PHACTR2: variants seen among roughly 807,000 people sequenced by gnomAD.
PHACTR2 encodes chromosome 6 open reading frame 56.
PHACTR2 carries 30 observed loss-of-function variants against 76.0 expected under a neutral mutation model. That is an observed-to-expected ratio of 0.39 (90% confidence interval 0.30 to 0.54). The LOEUF (loss-of-function observed/expected upper bound fraction) is 0.54. Among genes scored for constraint, PHACTR2 ranks in the 20% least tolerant of loss-of-function variants. The pLI, the probability that PHACTR2 is intolerant of heterozygous loss-of-function variation, is 0.61. For synonymous variants in PHACTR2, 292 were observed against 292.5 expected (o/e 1.00, Z 0.02); for missense variants, 696 against 781.1 (o/e 0.89, Z 1.30).
At position 143,668,471 on chromosome 6, in the gene PHACTR2, C is replaced by G. The variant is rs569306515; in HGVS notation, c.14-43545C>G. Among the ~76,000 whole-genome samples the G allele has an allele frequency of 3.9e-5, 6 of 152,254 alleles. No individual in the cohort carries two copies. The East Asian group carries it at 1.2e-3, about 29-fold the overall frequency. On this transcript the variant is annotated intron_variant, in intron 1 of 11. Transcript: ENST00000305766. ...ATGGTACCAGCTCCTCTCTGTACCT[C>G]TGGTAGAATTCGGCTCTGAATCTGT... is the stretch of plus-strand genomic sequence containing the variant.
rs961262581 is a variant in PHACTR2, at chr6:143,731,647, A to G, written c.215-17338A>G. On this transcript the variant is annotated intron_variant, in intron 2 of 12. Coordinates refer to ENST00000440869, the MANE Select transcript of PHACTR2 (RefSeq NM_001100164.2). This position sits in a 1 kb window ranked among gnomAD's most constrained non-coding sequence, Gnocchi z 4.9. Reference sequence around the variant, plus strand: ...ATGTTGCTGGATTTTATTGAATAATATTTTGTTGAGGATTCATGGTATTGA... The same window carrying G: ...ATGTTGCTGGATTTTATTGAATAATGTTTTGTTGAGGATTCATGGTATTGA... 8.5e-5 allele frequency among the ~76,000 whole-genome samples: 13 copies of G among 152,104 alleles called. No homozygotes were observed. The highest frequency in any genetic ancestry group is 2.9e-4 in the African/African-American group (12 of 41,426).
At chr6:143,660,088 A>G (rs913598412) in intron 1 of PHACTR2, among the ~76,000 whole-genome samples, 1 of 152,130 alleles carries the variant, frequency 6.6e-6, no homozygotes, top group Non-Finnish European at 1.5e-5. Flanking sequence ...TCTATTGACA[A>G]TACTGCTTAC....
rs1365008056 is a variant in PHACTR2, at chr6:143,774,845, T to C, written c.1589+630T>C. Among the ~76,000 whole-genome samples the C allele has an allele frequency of 1.3e-5, 2 of 152,242 alleles. No homozygotes were observed. The highest frequency in any genetic ancestry group is 2.9e-5 in the Non-Finnish European group (2 of 68,036). ...TCTCTTCCTGCCTCCAACCATTGTA[T>C]AGGATTTTTGCTTTTGCCACTGGTG... is the stretch of plus-strand genomic sequence containing the variant. On this transcript the variant is annotated intron_variant, in intron 8 of 12. Transcript: ENST00000440869. The surrounding 1 kb of genome is among the most constrained non-coding windows in gnomAD (Gnocchi z 5.4).
chr6:143,571,087 A>G lies in PHACTR2; in HGVS notation c.217+33880A>G, dbSNP rs904635129. On this transcript the variant is annotated intron_variant, in intron 1 of 11. Transcript: ENST00000367584. The surrounding 1 kb of genome is among the most constrained non-coding windows in gnomAD (Gnocchi z 4.6). ...TCACCTGGACTCCCCAAATGGTAAT[A>G]TCTTACAAAACTGTAGTACAACGAT... Among the ~76,000 whole-genome samples the G allele has an allele frequency of 1.3e-5, 2 of 152,248 alleles. No homozygotes were observed. Among genetic ancestry groups the G allele is most frequent in the Non-Finnish European group, 2.9e-5 (2 of 68,044 alleles).
chr6:143,747,643 T>C (rs1335935495), intron 2 of PHACTR2, among the ~76,000 whole-genome samples: 1 of 152,198 alleles, frequency 6.6e-6, no homozygotes, highest in Non-Finnish European at 1.5e-5. Flanking sequence ...AATCTCGTGC[T>C]ACTGCAGCTG....
At chr6:143,714,192 T>C (rs1299752466) in intron 2 of PHACTR2, among the ~76,000 whole-genome samples, 1 of 152,190 alleles carries the variant, frequency 6.6e-6, no homozygotes, top group Non-Finnish European at 1.5e-5. Flanking sequence ...TGATAATCAA[T>C]GAAGTACACC....
rs6909701 is a variant in PHACTR2 at position 143,601,781 on chromosome 6, C to A, written c.217+64574C>A. Among the ~76,000 whole-genome samples the A allele has an allele frequency of 3.0e-4, 45 of 152,166 alleles. 1 individual carries two copies. The South Asian group carries it at 9.3e-3, about 32-fold the overall frequency. On this transcript the variant is annotated intron_variant, in intron 1 of 11. Coordinates refer to the PHACTR2 transcript ENST00000367584. ...TTACTGTAAGAGAAATACATTCCCA[C>A]GCTTTTTATGTATTAGCAATCTTAA... is the stretch of plus-strand genomic sequence containing the variant.
Position 143,689,325 on chromosome 6 carries a change from T to G in PHACTR2, c.46+11116T>G, listed in dbSNP as rs1777588736. On this transcript the variant is annotated intron_variant, in intron 1 of 12. Coordinates refer to ENST00000440869, the MANE Select transcript of PHACTR2 (RefSeq NM_001100164.2). This position sits in a 1 kb window ranked among gnomAD's most constrained non-coding sequence, Gnocchi z 4.4. The stretch of plus-strand genomic sequence containing the variant: ...CATGATCTAAAAGACGTTATCTGTC[T>G]TGTTCACCAATGTCTCTTCTTATTC... Among the ~76,000 whole-genome samples the G allele has an allele frequency of 1.3e-5, 2 of 152,352 alleles. No homozygotes were observed. The highest frequency in any genetic ancestry group is 4.1e-4 in the South Asian group (2 of 4,832).
At chr6:143,564,714 C>T (rs1282951296) in intron 1 of PHACTR2, among the ~76,000 whole-genome samples, 1 of 152,142 alleles carries the variant, frequency 6.6e-6, no homozygotes, top group Non-Finnish European at 1.5e-5. Context: ...ACTGGCTGAT[C>T]GGACGGCAGT....
chr6:143,780,264 C>G lies in PHACTR2; in HGVS notation c.1645+2881C>G, dbSNP rs1235629744. The stretch of plus-strand genomic sequence containing the variant: ...ATGACATATCTATGCATCTGTTGAT[C>G]CAGCTTTTTTTAATGCACTTTAAGT... On this transcript the variant is annotated intron_variant, in intron 9 of 12. Transcript: ENST00000440869. This position sits in a 1 kb window ranked among gnomAD's most constrained non-coding sequence, Gnocchi z 4.4. Among the ~76,000 whole-genome samples, 1 of 152,016 alleles carries G rather than the reference C, an allele frequency of 6.6e-6. No homozygotes were observed. Among genetic ancestry groups the G allele is most frequent in the Non-Finnish European group, 1.5e-5 (1 of 68,018 alleles).
At chr6:143,613,826 A>C (rs368450260) in intron 1 of PHACTR2, among the ~76,000 whole-genome samples, 32 of 152,330 alleles carry the variant, frequency 2.1e-4, no homozygotes, top group African/African-American at 7.0e-4. Context: ...CAGGTTATTA[A>C]ATAAACTCCC....
intron 1 of PHACTR2, among the ~76,000 whole-genome samples, chr6:143,644,759 GTT>G (rs1230383417): frequency 1.5e-5 from 2 of 129,106 alleles, no homozygotes; most frequent in Admixed American, 7.6e-5. Flanking sequence ...CTTAGGGTTT[GTT>G]TTTTTTTTTT....
rs1280700387 is a variant in PHACTR2 at position 143,611,153 on chromosome 6, T to A, written c.13+2831T>A. On this transcript the variant is annotated intron_variant, in intron 1 of 11. Coordinates refer to the PHACTR2 transcript ENST00000305766. This position sits in a 1 kb window ranked among gnomAD's most constrained non-coding sequence, Gnocchi z 4.4. ...TCCCATATTCTACAGTGCAGAGTAC[T>A]GTTAAAAAAAAAAAGTTCTGCAGAA... Among the ~76,000 whole-genome samples the A allele has an allele frequency of 7.0e-6, 1 of 143,056 alleles. No homozygotes were observed. Among genetic ancestry groups the A allele is most frequent in the Non-Finnish European group, 1.5e-5 (1 of 66,402 alleles). 93.9% of individuals were successfully genotyped at this position (143,056 alleles called of 152,430 possible).
At position 143,765,186 on chromosome 6, in the gene PHACTR2, A is replaced by G; in HGVS notation, c.695-75A>G. 8.9e-7 allele frequency: 1 copy of G among 1,120,014 alleles called. No individual in the cohort carries two copies. 69.4% of individuals were successfully genotyped at this position (1,120,014 alleles called of 1,614,324 possible). ...AGGGAACATTTTAAATGTTGTTGAC[A>G]GTTACACCTTGGTTACTTTATTTTA... On this transcript the variant is annotated intron_variant, in intron 5 of 12. Transcript: ENST00000440869. This position sits in a 1 kb window ranked among gnomAD's most constrained non-coding sequence, Gnocchi z 4.1.
chr6:143,572,256 G>A (rs1262153026), intron 1 of PHACTR2, among the ~76,000 whole-genome samples: 1 of 152,072 alleles, frequency 6.6e-6, no homozygotes, highest in Non-Finnish European at 1.5e-5. Flanking sequence ...ATTTTGTCCT[G>A]ACACCTTCCC....
Position 143,683,584 on chromosome 6 carries a change from C to T in PHACTR2, c.46+5375C>T, listed in dbSNP as rs556248981. Among the ~76,000 whole-genome samples the T allele has an allele frequency of 1.3e-5, 2 of 152,284 alleles. No homozygotes were observed. Among genetic ancestry groups the T allele is most frequent in the Admixed American group, 1.3e-4 (2 of 15,302 alleles). ...AGTAAATAAAGTGTGCAGGATCACACCTATGTTGTGATAGAACCTGTATTC... is the reference window on the plus strand; with the variant it reads ...AGTAAATAAAGTGTGCAGGATCACATCTATGTTGTGATAGAACCTGTATTC... On this transcript the variant is annotated intron_variant, in intron 1 of 12. Transcript: ENST00000440869. This position sits in a 1 kb window ranked among gnomAD's most constrained non-coding sequence, Gnocchi z 4.1.
intron 2 of PHACTR2, among the ~76,000 whole-genome samples, chr6:143,715,767 A>G (rs1161105461): frequency 2.0e-5 from 3 of 152,192 alleles, no homozygotes; most frequent in Non-Finnish European, 2.9e-5. Context: ...TACTGTAGAC[A>G]TGGCTTCCTT....
rs1485862360 is a variant in PHACTR2, at chr6:143,775,693, ATG to A, written c.1589+1480_1589+1481del. On this transcript the variant is annotated intron_variant, in intron 8 of 12. Transcript: ENST00000440869. The surrounding 1 kb of genome is among the most constrained non-coding windows in gnomAD (Gnocchi z 4.4). ...TCTGATTGTTTTATTACTCTTGTTTATGTTTTACTATGAAGAAGAATGTAAAT... is the reference window on the plus strand; with the variant it reads ...TCTGATTGTTTTATTACTCTTGTTTATTTTACTATGAAGAAGAATGTAAAT... Among the ~76,000 whole-genome samples the A allele has an allele frequency of 6.6e-6, 1 of 152,170 alleles. No homozygotes were observed. Among genetic ancestry groups the A allele is most frequent in the Non-Finnish European group, 1.5e-5 (1 of 68,016 alleles).
chr6:143,558,090 C>T lies in PHACTR2; in HGVS notation c.217+20883C>T, dbSNP rs914483205. On this transcript the variant is annotated intron_variant, in intron 1 of 11. Transcript: ENST00000367584. The surrounding 1 kb of genome is among the most constrained non-coding windows in gnomAD (Gnocchi z 4.7). ...TGCCTGGGAGCTTCTTCCTTGTCAC[C>T]TAAGGTCCCTTATGTCTTCATTTTT... 2.0e-5 allele frequency: 3 copies of T among 152,232 alleles called. No individual in the cohort carries two copies. Among genetic ancestry groups the T allele is most frequent in the Admixed American group, 2.0e-4 (3 of 15,288 alleles). The allele number at this position is 152,232 out of a possible 1,614,324, so 9.4% of individuals were successfully genotyped here.
Sources: gnomAD v4.1 joint callset for allele counts (sites outside exome capture counted in the v4.1 genomes callset) on GRCh38, gnomAD v4.1.1 for gene constraint, Gnocchi (gnomAD v3.1) non-coding constraint, MANE v1.5 for transcripts, NCBI Gene and HGNC (gene_info 2026-07-23, HGNC 2026-07-21) for gene names.